PRRX1: variants seen among roughly 807,000 people sequenced by gnomAD.
PRRX1 encodes the protein paired related homeobox 1.
A neutral mutation model predicts 24.0 loss-of-function variants in PRRX1; 8 were observed. The ratio of observed to expected loss-of-function variants is 0.33; its 90% CI spans 0.20 to 0.60. The LOEUF is 0.60. Ranked by LOEUF, PRRX1 falls within the 20% of genes least tolerant of loss-of-function variation. The probability of loss-of-function intolerance (pLI) is 0.82; values close to 1 mark genes in which losing one functional copy is unlikely to be tolerated. For synonymous variants in PRRX1, 160 were observed against 131.7 expected, an observed-to-expected ratio of 1.22 and a Z score of -1.47; for missense variants, 281 against 322.4, an observed-to-expected ratio of 0.87 and a Z score of 0.98.
At chr1:170,706,623 A>G (rs1654577628) in intron 1 of PRRX1, among the ~76,000 whole-genome samples, 1 of 152,182 alleles carries the variant, frequency 6.6e-6, no homozygotes, top group Admixed American at 6.5e-5. Context: ...ACTAACATTG[A>G]ATTGCTGAAA....
At chr1:170,700,499 G>A (rs1654319931) in intron 1 of PRRX1, among the ~76,000 whole-genome samples, 2 of 152,146 alleles carry the variant, frequency 1.3e-5, no homozygotes, top group Non-Finnish European at 2.9e-5. Flanking sequence ...AGATGACCAG[G>A]AGAATTGAAA....
At chr1:170,722,096 T>C (rs1456831738) in intron 2 of PRRX1, among the ~76,000 whole-genome samples, 1 of 152,222 alleles carries the variant, frequency 6.6e-6, no homozygotes, top group Non-Finnish European at 1.5e-5. Flanking sequence ...CCCACCTTGC[T>C]ATGATTTAAT....
intron 1 of PRRX1, among the ~76,000 whole-genome samples, chr1:170,718,730 G>A (rs1317368447): frequency 6.6e-6 from 1 of 152,164 alleles, no homozygotes; most frequent in African/African-American, 2.4e-5. Flanking sequence ...CAGAGCTCAG[G>A]CCTTAGGGTG....
At chr1:170,680,514 G>C (rs1653472694) in intron 1 of PRRX1, among the ~76,000 whole-genome samples, 1 of 152,130 alleles carries the variant, frequency 6.6e-6, no homozygotes, top group South Asian at 2.1e-4. Context: ...CCCGTTGGTG[G>C]AATTACAACT....
chr1:170,733,460 A>G (rs1303143160), intron 3 of PRRX1, among the ~76,000 whole-genome samples: 1 of 152,188 alleles, frequency 6.6e-6, no homozygotes, highest in African/African-American at 2.4e-5. Context: ...CCAAGTACTT[A>G]AAAGCACAAT....
chr1:170,720,235 G>A (rs1040366178), intron 2 of PRRX1, among the ~76,000 whole-genome samples: 2 of 152,060 alleles, frequency 1.3e-5, no homozygotes, highest in Admixed American at 6.5e-5. Flanking sequence ...CTGAGATCAC[G>A]CCAGTGCACC....
At chr1:170,675,243 C>G (rs1653279070) in intron 1 of PRRX1, among the ~76,000 whole-genome samples, 1 of 152,140 alleles carries the variant, frequency 6.6e-6, no homozygotes, top group South Asian at 2.1e-4. Flanking sequence ...AGCTGGGAAA[C>G]TTCCCTAGAT....
At chr1:170,674,657 C>CA (rs1015371515) in intron 1 of PRRX1, among the ~76,000 whole-genome samples, 3 of 151,632 alleles carry the variant, frequency 2.0e-5, no homozygotes, top group Non-Finnish European at 2.9e-5. Flanking sequence ...CTGCAGTAAG[C>CA]AAATTTTTTT....
intron 1 of PRRX1, among the ~76,000 whole-genome samples, chr1:170,713,300 T>C (rs944235529): frequency 1.3e-5 from 2 of 152,136 alleles, no homozygotes; most frequent in Non-Finnish European, 2.9e-5. Flanking sequence ...TTTATCAACA[T>C]AGCCTCAGAA....
chr1:170,724,217 ATCT>A, intron 2 of PRRX1, among the ~76,000 whole-genome samples: 1 of 152,308 alleles, frequency 6.6e-6, no homozygotes, highest in African/African-American at 2.4e-5. Flanking sequence ...GATTACAAAA[ATCT>A]TCTCCCATTC....
At chr1:170,680,050 C>A (rs1461055597) in intron 1 of PRRX1, among the ~76,000 whole-genome samples, 1 of 152,134 alleles carries the variant, frequency 6.6e-6, no homozygotes, top group Non-Finnish European at 1.5e-5. Context: ...CCAAATGTAT[C>A]ATTTAAAGAC....
intron 3 of PRRX1, chr1:170,730,205 G>C (rs370809428): frequency 7.9e-7 from 1 of 1,265,896 alleles, no homozygotes; most frequent in East Asian, 2.3e-5. Context: ...TCATTTGATC[G>C]TGGTCATGGT....
At chr1:170,684,257 A>G (rs1227529109) in intron 1 of PRRX1, among the ~76,000 whole-genome samples, 1 of 152,098 alleles carries the variant, frequency 6.6e-6, no homozygotes, top group Non-Finnish European at 1.5e-5. Context: ...CTCTATGCCT[A>G]TTTCTCAGGC....
intron 1 of PRRX1, among the ~76,000 whole-genome samples, 166 bp downstream of exon 1, chr1:170,664,625 G>C (rs552151227): frequency 6.6e-6 from 1 of 152,338 alleles, no homozygotes; most frequent in Non-Finnish European, 1.5e-5. Context: ...AACCAGATGA[G>C]AAAAGCGGGT....
chr1:170,685,727 G>T (rs1418770906), intron 1 of PRRX1, among the ~76,000 whole-genome samples: 1 of 151,852 alleles, frequency 6.6e-6, no homozygotes, highest in African/African-American at 2.4e-5. Flanking sequence ...GTTATACATG[G>T]TTTGAAGTCT....
intron 1 of PRRX1, among the ~76,000 whole-genome samples, chr1:170,685,391 C>T (rs141876612): frequency 3.9e-5 from 6 of 152,250 alleles, no homozygotes; most frequent in East Asian, 1.9e-4. Flanking sequence ...AGGAACAACC[C>T]GGCAGTGCTC....
intron 3 of PRRX1, among the ~76,000 whole-genome samples, chr1:170,732,656 T>C (rs935612183): frequency 2.0e-5 from 3 of 152,214 alleles, no homozygotes; most frequent in African/African-American, 7.2e-5. Flanking sequence ...TAGGATTACA[T>C]ATTCTAAACA....
chr1:170,735,515 A>C (rs1655574786), intron 3 of PRRX1, among the ~76,000 whole-genome samples: 2 of 152,324 alleles, frequency 1.3e-5, no homozygotes, highest in East Asian at 3.9e-4. Flanking sequence ...AACATATGTT[A>C]GGTTGTTTAA....
intron 3 of PRRX1, among the ~76,000 whole-genome samples, chr1:170,734,039 T>C (rs1348306085): frequency 6.6e-6 from 1 of 152,102 alleles, no homozygotes; most frequent in Admixed American, 6.5e-5. Flanking sequence ...GTGGTTGAAG[T>C]GATAGTCTAA....
Sources: gnomAD v4.1 joint callset for allele counts (sites outside exome capture counted in the v4.1 genomes callset) on GRCh38, gnomAD v4.1.1 for gene constraint, MANE v1.5 for transcripts, NCBI Gene and HGNC (gene_info 2026-07-23, HGNC 2026-07-21) for gene names.